The following CHL1 variants were observed in gnomAD, a reference collection of about 807,000 sequenced individuals.
CHL1 encodes the protein neural cell adhesion molecule L1-like protein.
A neutral mutation model predicts 141.9 loss-of-function variants in CHL1; 96 were observed. That is an observed-to-expected ratio of 0.68 (90% CI 0.57 to 0.80). The LOEUF is 0.80. CHL1 is among the 30% of genes least tolerant of loss of function. CHL1 has a pLI of 0.00. For synonymous variants in CHL1, 613 were observed against 502.2 expected (o/e 1.22, Z -2.95); for missense variants, 1,820 against 1,457.2 (o/e 1.25, Z -4.05).
At chr3:215,022 G>A (rs1007508537) in intron 1 of CHL1, among the ~76,000 whole-genome samples, 2 of 151,932 alleles carry the variant, frequency 1.3e-5, no homozygotes, top group Non-Finnish European at 2.9e-5. Context: ...CATCAATTGT[G>A]TTGAATCCAT....
intron 27 of CHL1, 114 bp downstream of exon 27, chr3:401,812 C>T (rs1279505925): frequency 1.7e-6 from 1 of 604,192 alleles, no homozygotes; most frequent in African/African-American, 1.9e-5. Context: ...AATGTAATGA[C>T]CCTATAAAGA....
At chr3:365,072 C>T (rs1236280244) in intron 14 of CHL1, among the ~76,000 whole-genome samples, 1 of 152,024 alleles carries the variant, frequency 6.6e-6, no homozygotes, top group African/African-American at 2.4e-5. Context: ...TAATACTTTC[C>T]ATTTTTAGCC....
chr3:218,507 A>G (rs1283073736), intron 1 of CHL1, among the ~76,000 whole-genome samples: 1 of 152,178 alleles, frequency 6.6e-6, no homozygotes, highest in African/African-American at 2.4e-5. Flanking sequence ...GAATCATTTG[A>G]TCATTGAAAG....
intron 8 of CHL1, among the ~76,000 whole-genome samples, 165 bp downstream of exon 8, chr3:343,196 T>C (rs891945203): frequency 1.3e-5 from 2 of 152,164 alleles, no homozygotes; most frequent in African/African-American, 4.8e-5. Flanking sequence ...CTTAAATATA[T>C]GCAAAGGGAG....
intron 2 of CHL1, among the ~76,000 whole-genome samples, chr3:308,223 C>A (rs1351152869): frequency 6.6e-6 from 1 of 152,154 alleles, no homozygotes. Context: ...AGATTATATT[C>A]TTTTGTGGAC....
At chr3:340,974 C>T (rs1702302848) in intron 6 of CHL1, 58 bp downstream of exon 6, 2 of 1,508,902 alleles carry the variant, frequency 1.3e-6, no homozygotes, top group Admixed American at 4.0e-5. Context: ...TCCATCATAT[C>T]AATAACATAA....
intron 2 of CHL1, chr3:246,511 C>A (rs1293132044): frequency 1.3e-5 from 2 of 151,950 alleles, no homozygotes; most frequent in African/African-American, 4.8e-5. Context: ...CATAAAACAC[C>A]CATACCCACA....
intron 2 of CHL1, among the ~76,000 whole-genome samples, chr3:297,093 G>T (rs866299472): frequency 1.3e-5 from 2 of 152,118 alleles, no homozygotes; most frequent in South Asian, 4.1e-4. Flanking sequence ...AGGCATGGTG[G>T]TGCGCACCTG....
intron 1 of CHL1, among the ~76,000 whole-genome samples, chr3:239,826 A>G (rs2125084040): frequency 6.6e-6 from 1 of 152,052 alleles, no homozygotes; most frequent in African/African-American, 2.4e-5. Flanking sequence ...GCTCCCACTT[A>G]AGAGTGAGAA....
chr3:327,583 T>C (rs1487273720), intron 4 of CHL1, among the ~76,000 whole-genome samples: 3 of 151,972 alleles, frequency 2.0e-5, no homozygotes, highest in African/African-American at 7.2e-5. Flanking sequence ...ATATTGTTCA[T>C]AAAAGGAAAA....
At chr3:317,095 A>T (rs1397227083) in intron 2 of CHL1, among the ~76,000 whole-genome samples, 1 of 151,968 alleles carries the variant, frequency 6.6e-6, no homozygotes, top group Non-Finnish European at 1.5e-5. Flanking sequence ...AATAATTTTT[A>T]TGTTGTAGCC....
chr3:361,639 T>G, intron 12 of CHL1, 60 bp from the exon 13 acceptor site: 1 of 1,158,856 alleles, frequency 8.6e-7, no homozygotes, highest in Non-Finnish European at 1.3e-6. Flanking sequence ...TAGAAAAATT[T>G]AATTTGCATA....
chr3:356,437 G>A (rs890353240), intron 11 of CHL1, among the ~76,000 whole-genome samples: 6 of 152,028 alleles, frequency 3.9e-5, no homozygotes, highest in Non-Finnish European at 5.9e-5. Flanking sequence ...CTATGTTCCC[G>A]GCACTGGACT....
At chr3:354,544 GC>G in intron 10 of CHL1, 95 bp from the exon 11 acceptor site, 4 of 1,373,590 alleles carry the variant, frequency 2.9e-6, no homozygotes, top group Non-Finnish European at 4.0e-6. Context: ...TGTGGTGTCT[GC>G]CCTCTGCTGG....
At chr3:356,621 T>A (rs77257534) in intron 11 of CHL1, among the ~76,000 whole-genome samples, 4,777 of 152,192 alleles carry the variant, frequency 0.031, 263 homozygotes, top group African/African-American at 0.11. Flanking sequence ...ATCATAATAG[T>A]AAGACCCCTG....
At chr3:212,599 CACTT>C (rs1378601464) in intron 1 of CHL1, among the ~76,000 whole-genome samples, 1 of 152,210 alleles carries the variant, frequency 6.6e-6, no homozygotes, top group East Asian at 1.9e-4. Flanking sequence ...ACCATGATGT[CACTT>C]ACTTCCTGAA....
Position 354,557 on chromosome 3 carries a change from G to A in CHL1, c.1034-83G>A, listed in dbSNP as rs552619393. The A allele has an allele frequency of 3.3e-5, 49 of 1,471,566 alleles. No homozygotes were observed. In the South Asian group the frequency reaches 6.4e-4, roughly 19 times the overall value. The allele number at this position is 1,471,566 out of a possible 1,614,324, so 91.2% of individuals were successfully genotyped here. On this transcript the variant is annotated intron_variant, in intron 10 of 27. Coordinates refer to ENST00000256509, the MANE Select transcript of CHL1 (RefSeq NM_006614.4). ...TTTGTGGTGTCTGCCCTCTGCTGGTGCAAAGTAGAAATACAGGCCTTAACA... is the reference window on the plus strand; with the variant it reads ...TTTGTGGTGTCTGCCCTCTGCTGGTACAAAGTAGAAATACAGGCCTTAACA...
intron 19 of CHL1, chr3:384,659 A>C (rs1707458037): frequency 6.6e-6 from 1 of 152,192 alleles, no homozygotes; most frequent in African/African-American, 2.4e-5. Flanking sequence ...TTTAATGACC[A>C]GTATATTGGC....
At chr3:348,193 A>T (rs2125187891) in intron 9 of CHL1, among the ~76,000 whole-genome samples, 1 of 152,322 alleles carries the variant, frequency 6.6e-6, no homozygotes, top group Middle Eastern at 3.4e-3. Context: ...AGTTTAGAGT[A>T]GACAAATATA....
Sources: allele counts gnomAD v4.1 joint callset (sites outside exome capture counted in the v4.1 genomes callset), GRCh38; gene constraint gnomAD v4.1.1; transcripts MANE v1.5; gene names NCBI Gene and HGNC (gene_info 2026-07-23, HGNC 2026-07-21).